ANO9: variants seen among roughly 807,000 people sequenced by gnomAD.
The protein encoded by ANO9 is anoctamin 9.
In ANO9, 80 loss-of-function variants were observed where a neutral mutation model predicts 100.5. The ratio of observed to expected loss-of-function variants is 0.80; its 90% CI spans 0.66 to 0.96. ANO9 has a LOEUF of 0.96. Ranked by LOEUF, ANO9 falls within the 40% of genes least tolerant of loss-of-function variation. The probability of loss-of-function intolerance (pLI) is 0.00; values close to 1 mark genes in which losing one functional copy is unlikely to be tolerated. For synonymous variants in ANO9, 473 were observed against 435.6 expected, an observed-to-expected ratio of 1.09 and a Z score of -1.07; for missense variants, 1,064 against 1,072.7, an observed-to-expected ratio of 0.99 and a Z score of 0.11.
At position 428,597 on chromosome 11, in the gene ANO9, G is replaced by A. The variant is rs764201726; in HGVS notation, c.1063C>T (p.Arg355Cys). The A allele has an allele frequency of 1.6e-5, 25 of 1,612,382 alleles. No individual in the cohort carries two copies. The highest frequency in any genetic ancestry group is 1.6e-4 in the Middle Eastern group (1 of 6,084). ...IGMAHVLVVY[R>C]VLASALFSSS... is the part of the protein sequence containing the mutation. ...CTGAAGAGCGCGGAGGCCAGGACGC[G>A]GTAGACCACCAGGACGTGGGCCATG... Residue 355 changes from arginine (R) to cysteine (C), a missense_variant, in exon 13 of 23, where the codon CGC (arginine) becomes TGC (cysteine). Arg to Cys is a radical substitution (Grantham distance 180, BLOSUM62 -3). Coordinates refer to ENST00000332826, the MANE Select transcript of ANO9 (RefSeq NM_001012302.3).
Position 428,585 on chromosome 11 carries a change from A to C in ANO9, c.1075T>G (p.Ser359Ala), listed in dbSNP as rs759843431. 3.1e-6 allele frequency: 5 copies of C among 1,612,596 alleles called. No individual in the cohort carries two copies. The South Asian group carries it at 5.5e-5, about 18-fold the overall frequency. Residue 359 changes from serine (S) to alanine (A), a missense_variant, in exon 13 of 23, where the codon TCC (serine) becomes GCC (alanine). Physicochemically the swap from Ser to Ala is moderately conservative, Grantham distance 99. Transcript: ENST00000332826. ...ACGGCCGAGCTGCTGAAGAGCGCGGAGGCCAGGACGCGGTAGACCACCAGG... is the reference window on the plus strand; with the variant it reads ...ACGGCCGAGCTGCTGAAGAGCGCGGCGGCCAGGACGCGGTAGACCACCAGG... ...HVLVVYRVLA[S>A]ALFSSSAVPF...
In ANO9 at chr11:422,831, A is replaced by ATTT. The variant is rs11334527; in HGVS notation, c.1335-1636_1335-1634dup. 2.8e-5 allele frequency among the ~76,000 whole-genome samples: 4 copies of ATTT among 142,808 alleles called. No homozygotes were observed. Among genetic ancestry groups the ATTT allele is most frequent in the African/African-American group, 1.0e-4 (4 of 38,858 alleles). The allele number at this position is 142,808 out of a possible 152,430, so 93.7% of individuals were successfully genotyped here. A position where few individuals can be genotyped will look rare whatever the true frequency, so the allele number is the denominator to read the frequency against. On this transcript the variant is annotated intron_variant, in intron 15 of 22. Transcript: ENST00000332826. This position sits in a 1 kb window ranked among gnomAD's most constrained non-coding sequence, Gnocchi z 4.3. Reference sequence around the variant, plus strand: ...ACAATCTTAAGCCAAGTCCCACAGAATTTTTTTTTTTTTTTTCAGACAGAG... The same window carrying ATTT: ...ACAATCTTAAGCCAAGTCCCACAGAATTTTTTTTTTTTTTTTTTTCAGACAGAG...
intron 2 of ANO9, 40 bp from the exon 3 acceptor site, chr11:433,977 G>A (rs1362223970): frequency 1.3e-6 from 2 of 1,552,014 alleles, no homozygotes; most frequent in East Asian, 4.8e-5. Flanking sequence ...AGGTGAAGGG[G>A]CAGAGCAGGG....
At chr11:423,596 C>G (rs1848320230) in intron 15 of ANO9, among the ~76,000 whole-genome samples, 1 of 152,016 alleles carries the variant, frequency 6.6e-6, no homozygotes, top group African/African-American at 2.4e-5. Flanking sequence ...TAGCCTCCAC[C>G]TCCCAGGCTC....
At position 431,760 on chromosome 11, in the gene ANO9, C is replaced by T. The variant is rs1849021760; in HGVS notation, c.473G>A (p.Gly158Glu). 6.2e-7 allele frequency: 1 copy of T among 1,612,540 alleles called. No individual in the cohort carries two copies. The highest frequency in any genetic ancestry group is 8.5e-7 in the Non-Finnish European group (1 of 1,179,586). ...EARFPLHKGE[G>E]RLKKTWARWR... is the part of the protein sequence containing the mutation. Reference sequence around the variant, plus strand: ...CCGCGCCCACGTCTTCTTCAGGCGTCCCTCCCCCTGGCTCGGGTGACAGAG... The same window carrying T: ...CCGCGCCCACGTCTTCTTCAGGCGTTCCTCCCCCTGGCTCGGGTGACAGAG... Residue 158 changes from glycine (G) to glutamate (E), a missense_variant, in exon 7 of 23, where the codon GGA (glycine) becomes GAA (glutamate). By Grantham distance (98) the Gly-to-Glu change is moderately conservative (BLOSUM62 -2). Transcript: ENST00000332826.
Position 418,459 on chromosome 11 carries a change from A to T in ANO9, c.2261T>A (p.Leu754Gln), listed in dbSNP as rs763486965. The change falls in exon 23 of 23, where the codon CTG becomes CAG. Residue 754 changes from leucine (L) to glutamine (Q), a missense_variant. Physicochemically the swap from Leu to Gln is moderately radical, Grantham distance 113. Transcript: ENST00000332826. ...CCGAGAGCCTGCCCCCACCCCACCC[A>T]GCCTCTGCCTTCCATGCCACATCTT... ...REKMWHGRQR[L>Q]GGVGAGSRPP... The T allele has an allele frequency of 4.3e-6, 7 of 1,612,840 alleles. No homozygotes were observed. The highest frequency in any genetic ancestry group is 5.1e-6 in the Non-Finnish European group (6 of 1,179,970).
chr11:434,177 C>T (rs1019918747), intron 1 of ANO9, 79 bp from the exon 2 acceptor site: 47 of 1,475,544 alleles, frequency 3.2e-5, no homozygotes, highest in Non-Finnish European at 4.0e-5. Context: ...GTCCCTGCAG[C>T]GGACCACATG....
chr11:419,879 C>T (rs1848070462), intron 19 of ANO9, 150 bp from the exon 20 acceptor site: 2 of 1,436,020 alleles, frequency 1.4e-6, no homozygotes, highest in South Asian at 1.4e-5. Flanking sequence ...CAAGGAAGTC[C>T]CCAGCCATGG....
chr11:423,835 GTTTAATA>G lies in ANO9; in HGVS notation c.1335-2644_1335-2638del, dbSNP rs367864056. On this transcript the variant is annotated intron_variant, in intron 15 of 22. Coordinates refer to ENST00000332826, the MANE Select transcript of ANO9 (RefSeq NM_001012302.3). Reference sequence around the variant, plus strand: ...CATGAGCCACTGCACTCAGCCAAATGTTTAATATTTTGAAATCATAAACATCTAAAGG... The same window carrying G: ...CATGAGCCACTGCACTCAGCCAAATGTTTTGAAATCATAAACATCTAAAGG... Among the ~76,000 whole-genome samples, 1,371 of 149,314 alleles carry G rather than the reference GTTTAATA, an allele frequency of 9.2e-3. 7 individuals are homozygous for G. Among genetic ancestry groups the G allele is most frequent in the Middle Eastern group, 0.024 (7 of 292 alleles).
chr11:434,101 G>C lies in ANO9; in HGVS notation c.7-3C>G. The C allele has an allele frequency of 6.5e-7, 1 of 1,550,054 alleles. No homozygotes were observed. Among genetic ancestry groups the C allele is most frequent in the South Asian group, 1.2e-5 (1 of 84,062 alleles). ...AGGATCCGGAGGCTCTCTTCGCCCT[G>C]GGGGTTTGGGGGCAGAGAAAGGGAT... On this transcript the variant is annotated splice_polypyrimidine_tract_variant and splice_region_variant and intron_variant, in intron 1 of 22. Transcript: ENST00000332826.
At position 420,561 on chromosome 11, in the gene ANO9, AG is replaced by A; in HGVS notation, c.1687del (p.Leu563CysfsTer75). On this transcript the variant is annotated frameshift_variant, in exon 19 of 23. Transcript: ENST00000332826. LOFTEE classifies it high-confidence loss of function. ...IFVAAFPLAP[L>X]LALFSNLVEI... is the part of the protein sequence containing the mutation. Reference sequence around the variant, plus strand: ...CACGAGGTTGCTGAAGAGCGCGAGCAGCGGCGCCAGCGGGAAGGCGGCCACG... The same window carrying A: ...CACGAGGTTGCTGAAGAGCGCGAGCACGGCGCCAGCGGGAAGGCGGCCACG... The A allele has an allele frequency of 2.5e-6, 4 of 1,605,468 alleles. No homozygotes were observed. The highest frequency in any genetic ancestry group is 3.4e-6 in the Non-Finnish European group (4 of 1,179,542).
At chr11:419,094 G>T in intron 20 of ANO9, 105 bp from the exon 21 acceptor site, 1 of 1,563,452 alleles carries the variant, frequency 6.4e-7, no homozygotes, top group South Asian at 1.2e-5. Context: ...AGTGAGGTGG[G>T]GGCCACGCCA....
intron 7 of ANO9, 47 bp from the exon 8 acceptor site, chr11:430,450 AG>A: frequency 1.7e-6 from 1 of 584,294 alleles, no homozygotes; most frequent in South Asian, 3.3e-5. Context: ...GCGGTGGGGG[AG>A]GGACAGGAAA....
At position 439,918 on chromosome 11, in the gene ANO9, C is replaced by T. The variant is rs1041635433; in HGVS notation, c.6+2003G>A. On this transcript the variant is annotated intron_variant, in intron 1 of 22. Coordinates refer to ENST00000332826, the MANE Select transcript of ANO9 (RefSeq NM_001012302.3). ...CCCCAGACACTGACGGAGCGACCTG[C>T]GTGCAGCCCTCCCAGGCAGTGCGTG... Among the ~76,000 whole-genome samples the T allele has an allele frequency of 4.6e-5, 7 of 152,224 alleles. No homozygotes were observed. The East Asian group carries it at 5.8e-4, about 13-fold the overall frequency.
chr11:429,315 C>T (rs150142219), intron 11 of ANO9, among the ~76,000 whole-genome samples: 1 of 143,344 alleles, frequency 7.0e-6, no homozygotes, highest in Admixed American at 7.0e-5. Flanking sequence ...GGACACGCAC[C>T]CCACACGTGG....
At chr11:437,327 G>A (rs947927578) in intron 1 of ANO9, among the ~76,000 whole-genome samples, 10 of 152,140 alleles carry the variant, frequency 6.6e-5, no homozygotes, top group Non-Finnish European at 1.5e-4. Context: ...TAAGGCATCC[G>A]ACGCCCCGGT....
intron 1 of ANO9, among the ~76,000 whole-genome samples, chr11:439,995 A>G (rs1001755042): frequency 2.0e-5 from 3 of 152,160 alleles, no homozygotes; most frequent in Non-Finnish European, 4.4e-5. Context: ...GGAGGCATGG[A>G]GCTTGGCATT....
chr11:418,044 C>T lies in ANO9; in HGVS notation c.*327G>A, dbSNP rs1847951595. The stretch of plus-strand genomic sequence containing the variant: ...AGGATGGGGGCACGGCAGGATCTGG[C>T]GCCCAGAAGTCAGAGGGAGGCCCAG... On this transcript the variant is annotated 3_prime_UTR_variant, in exon 23 of 23. Coordinates refer to ENST00000332826, the MANE Select transcript of ANO9 (RefSeq NM_001012302.3). The T allele has an allele frequency of 1.2e-5, 4 of 333,302 alleles. No individual in the cohort carries two copies. Among genetic ancestry groups the T allele is most frequent in the Non-Finnish European group, 1.1e-5 (2 of 181,496 alleles). 20.6% of individuals were successfully genotyped at this position (333,302 alleles called of 1,614,324 possible). A position where few individuals can be genotyped will look rare whatever the true frequency, so the allele number is the denominator to read the frequency against.
rs1358351418 is a variant in ANO9 at position 422,368 on chromosome 11, G to A, written c.1335-1170C>T. Among the ~76,000 whole-genome samples the A allele has an allele frequency of 6.6e-6, 1 of 152,236 alleles. No individual in the cohort carries two copies. Among genetic ancestry groups the A allele is most frequent in the Non-Finnish European group, 1.5e-5 (1 of 68,040 alleles). ...TGTGACCACGTTCTTACCTGGCAAA[G>A]GAATTTTATCTCACAAGGCAGATGG... On this transcript the variant is annotated intron_variant, in intron 15 of 22. Transcript: ENST00000332826. The surrounding 1 kb of genome is among the most constrained non-coding windows in gnomAD (Gnocchi z 4.3).
Sources: gnomAD v4.1 joint callset for allele counts (sites outside exome capture counted in the v4.1 genomes callset) on GRCh38, gnomAD v4.1.1 for gene constraint, Gnocchi (gnomAD v3.1) non-coding constraint, MANE v1.5 for transcripts, NCBI Gene and HGNC (gene_info 2026-07-23, HGNC 2026-07-21) for gene names.